The following CCSER1 variants were observed in gnomAD, a reference collection of about 807,000 sequenced individuals.
CCSER1 encodes the protein serine-rich coiled-coil domain-containing protein 1.
Under a neutral mutation model 82.0 loss-of-function variants are expected in CCSER1, and 41 were observed. The ratio of observed to expected loss-of-function variants is 0.50; its 90% CI spans 0.39 to 0.65. CCSER1 has a LOEUF of 0.65. Ranked by LOEUF, CCSER1 falls within the 30% of genes least tolerant of loss-of-function variation. CCSER1 has a pLI of 0.00. For synonymous variants in CCSER1, 414 were observed against 383.9 expected (o/e 1.08, Z -0.92); for missense variants, 1,119 against 1,064.2 (o/e 1.05, Z -0.72).
intron 1 of CCSER1, among the ~76,000 whole-genome samples, chr4:90,135,346 A>AG (rs1436759370): frequency 2.0e-4 from 31 of 152,082 alleles, no homozygotes; most frequent in African/African-American, 7.5e-4. Flanking sequence ...CCCCCTTTGA[A>AG]AAAAAACAAC....
At chr4:90,665,824 G>C (rs1354491472) in intron 6 of CCSER1, among the ~76,000 whole-genome samples, 2 of 152,158 alleles carry the variant, frequency 1.3e-5, no homozygotes, top group East Asian at 3.9e-4. Flanking sequence ...GATGTGGGAG[G>C]TTTCTCTGGT....
chr4:91,195,256 A>G (rs1735315603), intron 10 of CCSER1, among the ~76,000 whole-genome samples: 1 of 152,224 alleles, frequency 6.6e-6, no homozygotes, highest in African/African-American at 2.4e-5. Context: ...GTGCATGGGG[A>G]GGCAGCTATC....
intron 9 of CCSER1, among the ~76,000 whole-genome samples, chr4:91,050,430 C>CAAAA (rs141375504): frequency 0.14 from 20,299 of 140,512 alleles, 1,482 homozygotes; most frequent in Admixed American, 0.2. Flanking sequence ...GACTCTGTCT[C>CAAAA]AAAAAAAAAA....
At chr4:91,399,423 A>G (rs930990134) in intron 10 of CCSER1, among the ~76,000 whole-genome samples, 1 of 151,952 alleles carries the variant, frequency 6.6e-6, no homozygotes. Flanking sequence ...AAATTTTAAA[A>G]TGTTCATCAT....
rs77825788 is a variant in CCSER1 at position 90,619,806 on chromosome 4, A to G, written c.1725-8219A>G. On this transcript the variant is annotated intron_variant, in intron 5 of 10. Coordinates refer to ENST00000509176, the MANE Select transcript of CCSER1 (RefSeq NM_001145065.2). ...CAATAATTTGGATTTTTTTTGTTCA[A>G]CCTGATTGTACTTTCATCTCTACAT... Among the ~76,000 whole-genome samples the G allele has an allele frequency of 3.2e-3, 486 of 152,188 alleles. 1 individual carries two copies. Among genetic ancestry groups the G allele is most frequent in the African/African-American group, 0.011 (463 of 41,552 alleles).
At chr4:90,898,028 A>T (rs1431935101) in intron 8 of CCSER1, among the ~76,000 whole-genome samples, 1 of 151,904 alleles carries the variant, frequency 6.6e-6, no homozygotes, top group Non-Finnish European at 1.5e-5. Flanking sequence ...TCAGAATCAT[A>T]GTATGCAAAT....
chr4:91,196,511 T>A (rs1735447784), intron 10 of CCSER1, among the ~76,000 whole-genome samples: 1 of 152,174 alleles, frequency 6.6e-6, no homozygotes, highest in Non-Finnish European at 1.5e-5. Context: ...AGGAAAAAGA[T>A]AATTAAATTC....
intron 4 of CCSER1, among the ~76,000 whole-genome samples, chr4:90,400,546 A>C (rs1402969393): frequency 6.6e-6 from 1 of 152,132 alleles, no homozygotes; most frequent in Non-Finnish European, 1.5e-5. Context: ...GCCACTTCCT[A>C]CATAGGTTAA....
At chr4:90,305,866 A>C (rs1053341701) in intron 1 of CCSER1, among the ~76,000 whole-genome samples, 1 of 152,210 alleles carries the variant, frequency 6.6e-6, no homozygotes, top group Non-Finnish European at 1.5e-5. Flanking sequence ...TGTCAAAGAG[A>C]TATCTGTACT....
At chr4:91,184,167 A>G (rs1274822905) in intron 10 of CCSER1, among the ~76,000 whole-genome samples, 1 of 152,242 alleles carries the variant, frequency 6.6e-6, no homozygotes, top group African/African-American at 2.4e-5. Flanking sequence ...TATCATCCAT[A>G]TAGTGAATAA....
intron 10 of CCSER1, among the ~76,000 whole-genome samples, chr4:91,401,309 A>G (rs1226720166): frequency 6.7e-6 from 1 of 148,508 alleles, no homozygotes; most frequent in Non-Finnish European, 1.5e-5. Context: ...TATACTATAC[A>G]ATATAGATAT....
chr4:91,151,015 T>C (rs1042016932), intron 10 of CCSER1, among the ~76,000 whole-genome samples: 2 of 152,112 alleles, frequency 1.3e-5, no homozygotes, highest in Non-Finnish European at 2.9e-5. Flanking sequence ...CCCTCTTTTT[T>C]TATTGATTGA....
intron 7 of CCSER1, among the ~76,000 whole-genome samples, chr4:90,796,996 T>C (rs1177035906): frequency 6.6e-6 from 1 of 152,164 alleles, no homozygotes; most frequent in African/African-American, 2.4e-5. Flanking sequence ...TAGATGTCTA[T>C]TAGATCCATT....
intron 10 of CCSER1, among the ~76,000 whole-genome samples, chr4:91,177,404 C>T (rs1733510410): frequency 6.6e-6 from 1 of 152,130 alleles, no homozygotes; most frequent in African/African-American, 2.4e-5. Context: ...GCACAAGCTC[C>T]TCTTTGTACG....
At chr4:90,965,131 A>C (rs2150384762) in intron 9 of CCSER1, among the ~76,000 whole-genome samples, 1 of 152,232 alleles carries the variant, frequency 6.6e-6, no homozygotes, top group East Asian at 1.9e-4. Context: ...TCATTGCAAA[A>C]AGCCCTATCC....
chr4:90,317,994 T>G (rs1736475325), intron 3 of CCSER1, among the ~76,000 whole-genome samples: 1 of 152,196 alleles, frequency 6.6e-6, no homozygotes, highest in African/African-American at 2.4e-5. Context: ...TGGTGAACAC[T>G]TAATGACTCA....
intron 9 of CCSER1, among the ~76,000 whole-genome samples, chr4:91,084,316 A>G (rs1168527356): frequency 6.6e-6 from 1 of 152,160 alleles, no homozygotes; most frequent in Admixed American, 6.6e-5. Context: ...AGTAATTACT[A>G]TTTTGGGATA....
At chr4:91,160,117 T>C (rs988326776) in intron 10 of CCSER1, among the ~76,000 whole-genome samples, 4 of 151,854 alleles carry the variant, frequency 2.6e-5, no homozygotes, top group Non-Finnish European at 4.4e-5. Context: ...CATTGTTCAG[T>C]TCCCACCTAT....
intron 6 of CCSER1, among the ~76,000 whole-genome samples, chr4:90,707,475 CT>C (rs1739590237): frequency 6.6e-6 from 1 of 151,476 alleles, no homozygotes; most frequent in African/African-American, 2.4e-5. Flanking sequence ...TCTGCCTTCT[CT>C]TTTCTCTCAT....
Sources: gnomAD v4.1 joint callset for allele counts (sites outside exome capture counted in the v4.1 genomes callset) on GRCh38, gnomAD v4.1.1 for gene constraint, MANE v1.5 for transcripts, NCBI Gene and HGNC (gene_info 2026-07-23, HGNC 2026-07-21) for gene names.